The following OXR1 variants were observed in gnomAD, a reference collection of about 807,000 sequenced individuals.
OXR1 encodes oxidation resistance protein 1.
OXR1 carries 41 observed loss-of-function variants against 104.6 expected under a neutral mutation model. The ratio of observed to expected loss-of-function variants is 0.39; its 90% CI spans 0.31 to 0.51. The LOEUF is 0.51. Ranked by LOEUF, OXR1 falls within the 20% of genes least tolerant of loss-of-function variation. OXR1 has a pLI of 0.77. For missense variants in OXR1, 955 were observed against 1,031.9 expected (o/e 0.93, Z 1.02); for synonymous variants, 348 against 348.4 (o/e 1.00, Z 0.01).
intron 3 of OXR1, among the ~76,000 whole-genome samples, chr8:106,571,195 C>T (rs532252521): frequency 4.5e-4 from 68 of 152,076 alleles, no homozygotes; most frequent in African/African-American, 1.5e-3. Flanking sequence ...GCTGCTGTAA[C>T]AAAATATCAT....
At chr8:106,490,383 G>A (rs1260688334) in intron 2 of OXR1, among the ~76,000 whole-genome samples, 1 of 151,830 alleles carries the variant, frequency 6.6e-6, no homozygotes, top group Non-Finnish European at 1.5e-5. Context: ...TTTTGAGATG[G>A]AGTCTCACTC....
chr8:106,750,515 A>G (rs1039141716), intron 16 of OXR1, among the ~76,000 whole-genome samples: 9 of 151,676 alleles, frequency 5.9e-5, no homozygotes, highest in South Asian at 2.1e-4. Flanking sequence ...TTTTTAGTAG[A>G]GACAGGGTTT....
chr8:106,642,269 G>A (rs1004295735), intron 3 of OXR1, among the ~76,000 whole-genome samples: 4 of 152,206 alleles, frequency 2.6e-5, no homozygotes, highest in Non-Finnish European at 2.9e-5. Context: ...ACCTTTGGTA[G>A]TAACCTTACA....
chr8:106,315,429 AC>A (rs1362202059), intron 1 of OXR1, among the ~76,000 whole-genome samples: 1 of 152,180 alleles, frequency 6.6e-6, no homozygotes, highest in East Asian at 1.9e-4. Flanking sequence ...AATATCCTAG[AC>A]CTTCTACAAC....
chr8:106,411,651 C>G (rs999507816), intron 2 of OXR1, among the ~76,000 whole-genome samples: 1 of 152,098 alleles, frequency 6.6e-6, no homozygotes, highest in African/African-American at 2.4e-5. Flanking sequence ...TAATAAACAC[C>G]TATAATGTGA....
intron 1 of OXR1, among the ~76,000 whole-genome samples, chr8:106,329,695 C>A (rs562723175): frequency 6.6e-6 from 1 of 152,168 alleles, no homozygotes; most frequent in Admixed American, 6.5e-5. Flanking sequence ...AGCACAGGAC[C>A]TTTTATGATA....
At chr8:106,646,827 C>A (rs992280875) in intron 3 of OXR1, among the ~76,000 whole-genome samples, 1 of 152,186 alleles carries the variant, frequency 6.6e-6, no homozygotes, top group Non-Finnish European at 1.5e-5. Context: ...TAACATTATT[C>A]TTTGGGTGTC....
At chr8:106,642,961 T>C (rs1823783673) in intron 3 of OXR1, among the ~76,000 whole-genome samples, 2 of 152,216 alleles carry the variant, frequency 1.3e-5, no homozygotes, top group Admixed American at 6.5e-5. Context: ...GGATTCATAC[T>C]TCTTTAGATT....
intron 6 of OXR1, among the ~76,000 whole-genome samples, chr8:106,685,734 C>T (rs1828643666): frequency 6.7e-6 from 1 of 149,948 alleles, no homozygotes; most frequent in South Asian, 2.1e-4. Flanking sequence ...CCTTAAAGAA[C>T]TAAAAGTACA....
At chr8:106,378,648 T>G (rs1489992683) in intron 2 of OXR1, among the ~76,000 whole-genome samples, 1 of 152,156 alleles carries the variant, frequency 6.6e-6, no homozygotes, top group Non-Finnish European at 1.5e-5. Context: ...TAGCTGGGAT[T>G]ACAGGCATGT....
chr8:106,271,341 G>C (rs1289096264), intron 1 of OXR1, among the ~76,000 whole-genome samples: 1 of 152,060 alleles, frequency 6.6e-6, no homozygotes. Context: ...AGTCGTTTAC[G>C]GGGGGAGCTG....
intron 3 of OXR1, among the ~76,000 whole-genome samples, chr8:106,592,895 T>G (rs1423232753): frequency 6.6e-6 from 1 of 152,122 alleles, no homozygotes; most frequent in Non-Finnish European, 1.5e-5. Context: ...TTTCTACCAT[T>G]TATATAGACA....
intron 3 of OXR1, among the ~76,000 whole-genome samples, chr8:106,551,211 A>G (rs766820189): frequency 8.5e-5 from 13 of 152,220 alleles, no homozygotes; most frequent in Admixed American, 7.8e-4. Flanking sequence ...CCAGAACACT[A>G]TATCTATTTT....
chr8:106,491,405 C>A (rs1811078496), intron 2 of OXR1, among the ~76,000 whole-genome samples: 1 of 152,192 alleles, frequency 6.6e-6, no homozygotes, highest in Non-Finnish European at 1.5e-5. Flanking sequence ...CCAGTGTGAG[C>A]ATGTTGTTTT....
chr8:106,398,635 C>T (rs1817880568), intron 2 of OXR1, among the ~76,000 whole-genome samples: 1 of 152,100 alleles, frequency 6.6e-6, no homozygotes, highest in African/African-American at 2.4e-5. Flanking sequence ...TTAAATGGCT[C>T]TCAGCAAATT....
At chr8:106,736,296 C>T (rs1393967658) in intron 11 of OXR1, among the ~76,000 whole-genome samples, 3 of 152,060 alleles carry the variant, frequency 2.0e-5, no homozygotes, top group East Asian at 3.9e-4. Flanking sequence ...GAATGGAAAT[C>T]TGTCCAGCCT....
chr8:106,368,730 C>T (rs981549325), intron 2 of OXR1, among the ~76,000 whole-genome samples: 4 of 152,168 alleles, frequency 2.6e-5, no homozygotes, highest in African/African-American at 7.2e-5. Context: ...AAAACATGAT[C>T]TCATTCCTTT....
At chr8:106,342,221 C>A (rs1287481446) in intron 1 of OXR1, among the ~76,000 whole-genome samples, 4 of 150,752 alleles carry the variant, frequency 2.7e-5, no homozygotes, top group African/African-American at 9.7e-5. Context: ...AATTTTCTTG[C>A]TTCTTTTTCT....
intron 2 of OXR1, among the ~76,000 whole-genome samples, chr8:106,515,240 T>G (rs1812782733): frequency 6.6e-6 from 1 of 152,122 alleles, no homozygotes; most frequent in Admixed American, 6.6e-5. Flanking sequence ...AATGATGTTT[T>G]GAAATATGTA....
Sources: allele counts gnomAD v4.1 joint callset (sites outside exome capture counted in the v4.1 genomes callset), GRCh38; gene constraint gnomAD v4.1.1; transcripts MANE v1.5; gene names NCBI Gene and HGNC (gene_info 2026-07-23, HGNC 2026-07-21).